Variants in NBEA observed in about 807,000 individuals in gnomAD.
NBEA encodes neurobeachin.
NBEA carries 44 observed loss-of-function variants against 343.4 expected under a neutral mutation model. The ratio of observed to expected loss-of-function variants is 0.13; its 90% confidence interval spans 0.10 to 0.16. The LOEUF (loss-of-function observed/expected upper bound fraction) is 0.16. Among genes scored for constraint, NBEA ranks in the 10% least tolerant of loss-of-function variants. The pLI is 1.00. For missense variants in NBEA, 2,555 were observed against 3,631.3 expected (o/e 0.70, Z 7.62); for synonymous variants, 1,175 against 1,238.7 (o/e 0.95, Z 1.08).
chr13:35,346,971 C>A (rs2039914666), intron 36 of NBEA, among the ~76,000 whole-genome samples: 1 of 152,014 alleles, frequency 6.6e-6, no homozygotes, highest in Non-Finnish European at 1.5e-5. Context: ...AAAGATATTG[C>A]AAGTAATTTG....
chr13:35,126,043 C>T (rs2067115742), intron 17 of NBEA, among the ~76,000 whole-genome samples: 1 of 152,146 alleles, frequency 6.6e-6, no homozygotes, highest in Middle Eastern at 3.4e-3. Context: ...TTGGTTGTGT[C>T]CCCCCACCTA....
chr13:35,143,504 C>T (rs527882161), intron 18 of NBEA, among the ~76,000 whole-genome samples: 1 of 151,494 alleles, frequency 6.6e-6, no homozygotes, highest in Non-Finnish European at 1.5e-5. Flanking sequence ...ATTTAGATGG[C>T]AAGGCCTTGC....
Position 35,109,152 on chromosome 13 carries a change from T to G in NBEA, c.1681-138T>G, listed in dbSNP as rs142515507. 5.1e-5 allele frequency: 38 copies of G among 748,800 alleles called. 1 individual carries two copies. The East Asian group carries it at 1.2e-3, about 23-fold the overall frequency. 46.4% of individuals were successfully genotyped at this position (748,800 alleles called of 1,614,324 possible). A position where few individuals can be genotyped will look rare whatever the true frequency, so the allele number is the denominator to read the frequency against. ...TAGATCTCTTAAAGTTATATTTTAATAGCAAAGAAAACAAATGTTTATTTC... is the reference window on the plus strand; with the variant it reads ...TAGATCTCTTAAAGTTATATTTTAAGAGCAAAGAAAACAAATGTTTATTTC... On this transcript the variant is annotated intron_variant, in intron 11 of 58. Coordinates refer to ENST00000379939, the MANE Select transcript of NBEA (RefSeq NM_001385012.1).
chr13:35,376,173 A>G (rs1445514328), intron 38 of NBEA, among the ~76,000 whole-genome samples: 1 of 152,160 alleles, frequency 6.6e-6, no homozygotes, highest in Non-Finnish European at 1.5e-5. Context: ...ATTCAATGCT[A>G]CATTAACTTT....
intron 36 of NBEA, among the ~76,000 whole-genome samples, chr13:35,346,874 A>G (rs1258420810): frequency 6.6e-6 from 1 of 152,128 alleles, no homozygotes; most frequent in African/African-American, 2.4e-5. Flanking sequence ...ACTGAGAACT[A>G]TCTTGAGTTC....
At chr13:35,248,456 A>AT (rs2031518807) in intron 34 of NBEA, among the ~76,000 whole-genome samples, 1 of 152,190 alleles carries the variant, frequency 6.6e-6, no homozygotes, top group African/African-American at 2.4e-5. Flanking sequence ...CAATCTTAAG[A>AT]AAGAACAAAG....
intron 31 of NBEA, 33 bp downstream of exon 31, chr13:35,196,335 A>G (rs755657015): frequency 1.3e-6 from 2 of 1,534,358 alleles, no homozygotes; most frequent in African/African-American, 2.8e-5. Flanking sequence ...ACAGGGCTTT[A>G]TACATAAAAG....
intron 24 of NBEA, among the ~76,000 whole-genome samples, chr13:35,167,434 CTT>C (rs2152718953): frequency 6.6e-6 from 1 of 151,268 alleles, no homozygotes; most frequent in Non-Finnish European, 1.5e-5. Context: ...TTAATGGAAA[CTT>C]AAGAAAAAAA....
At chr13:35,194,868 A>G (rs776181694) in intron 30 of NBEA, among the ~76,000 whole-genome samples, 1 of 152,080 alleles carries the variant, frequency 6.6e-6, no homozygotes, top group Non-Finnish European at 1.5e-5. Flanking sequence ...CTGTGTAGTT[A>G]TATGCACATA....
chr13:35,119,407 C>T (rs1243749108), intron 16 of NBEA, among the ~76,000 whole-genome samples: 4 of 152,000 alleles, frequency 2.6e-5, no homozygotes, highest in Admixed American at 2.6e-4. Flanking sequence ...CCATTTATAT[C>T]AATGAATAAC....
chr13:35,315,642 GATA>G (rs982549849), intron 36 of NBEA, among the ~76,000 whole-genome samples: 1 of 152,068 alleles, frequency 6.6e-6, no homozygotes, highest in Non-Finnish European at 1.5e-5. Flanking sequence ...GAAAAGAACA[GATA>G]ATATTTATGT....
intron 34 of NBEA, among the ~76,000 whole-genome samples, chr13:35,265,897 AAAC>A (rs1312280863): frequency 6.6e-6 from 1 of 151,924 alleles, no homozygotes; most frequent in Non-Finnish European, 1.5e-5. Flanking sequence ...CAAAGAAAAC[AAAC>A]AACAGTTAAG....
At chr13:35,555,204 A>G in intron 44 of NBEA, 102 bp downstream of exon 44, 1 of 571,270 alleles carries the variant, frequency 1.8e-6, no homozygotes. Context: ...ATTCAAATGC[A>G]TCATTAGAGT....
At chr13:35,019,433 GATT>G (rs2061760716) in intron 1 of NBEA, among the ~76,000 whole-genome samples, 1 of 151,874 alleles carries the variant, frequency 6.6e-6, no homozygotes, top group African/African-American at 2.4e-5. Context: ...GAGTAGCTGG[GATT>G]ATAGGCGGAC....
At chr13:35,050,532 C>T in intron 6 of NBEA, 137 bp downstream of exon 6, 1 of 955,264 alleles carries the variant, frequency 1.0e-6, no homozygotes, top group South Asian at 2.1e-5. Context: ...GTCTGCATTT[C>T]CTTTTTACTT....
chr13:35,020,341 G>A (rs2061794962), intron 1 of NBEA, among the ~76,000 whole-genome samples: 2 of 152,012 alleles, frequency 1.3e-5, no homozygotes, highest in South Asian at 4.1e-4. Context: ...ACCGTGATCA[G>A]ATATCATACT....
chr13:35,649,899 TA>T (rs2084432358), intron 52 of NBEA, 52 bp downstream of exon 52: 1 of 1,486,754 alleles, frequency 6.7e-7, no homozygotes, highest in Non-Finnish European at 9.0e-7. Context: ...AAGCTACAAT[TA>T]AAGTAAAAAA....
intron 39 of NBEA, among the ~76,000 whole-genome samples, chr13:35,436,467 T>C (rs1309724293): frequency 6.6e-6 from 1 of 152,126 alleles, no homozygotes; most frequent in African/African-American, 2.4e-5. Flanking sequence ...TCCCAGCACT[T>C]TGGGAGGCTG....
At chr13:35,184,109 C>CTTATTTCATGAATTG (rs1406057246) in intron 30 of NBEA, 38 bp downstream of exon 30, 4 of 1,417,408 alleles carry the variant, frequency 2.8e-6, no homozygotes. Context: ...TTTGGGTATT[C>CTTATTTCATGAATTG]TTATTTCATG....
Sources: gnomAD v4.1 joint callset for allele counts (sites outside exome capture counted in the v4.1 genomes callset) on GRCh38, gnomAD v4.1.1 for gene constraint, MANE v1.5 for transcripts, NCBI Gene and HGNC (gene_info 2026-07-23, HGNC 2026-07-21) for gene names.